GALNTL6: variants seen among roughly 807,000 people sequenced by gnomAD.
GALNTL6 encodes polypeptide N-acetylgalactosaminyltransferase-like 6.
In GALNTL6, 46 loss-of-function variants were observed where a neutral mutation model predicts 73.7. The observed-to-expected ratio is 0.62, with a 90% CI of 0.49 to 0.80. The LOEUF is 0.80. GALNTL6 is among the 30% of genes least tolerant of loss of function. The probability of loss-of-function intolerance (pLI) is 0.00; values close to 1 mark genes in which losing one functional copy is unlikely to be tolerated. For synonymous variants in GALNTL6, 259 were observed against 263.7 expected (o/e 0.98, Z 0.17); for missense variants, 604 against 755.0 (o/e 0.80, Z 2.34).
At chr4:172,399,247 A>G (rs1308634111) in intron 5 of GALNTL6, among the ~76,000 whole-genome samples, 1 of 152,146 alleles carries the variant, frequency 6.6e-6, no homozygotes, top group East Asian at 1.9e-4. Flanking sequence ...ATACATATAT[A>G]ACCACAAATA....
intron 2 of GALNTL6, among the ~76,000 whole-genome samples, chr4:172,006,623 A>G (rs1435659211): frequency 6.6e-6 from 1 of 152,100 alleles, no homozygotes; most frequent in African/African-American, 2.4e-5. Flanking sequence ...ACCCTGTCCA[A>G]AAAAGGAAAA....
chr4:171,993,837 TAC>T (rs1429836861), intron 2 of GALNTL6, among the ~76,000 whole-genome samples: 1 of 151,604 alleles, frequency 6.6e-6, no homozygotes, highest in East Asian at 1.9e-4. Context: ...GTAAAGACAT[TAC>T]ACACACATGT....
intron 2 of GALNTL6, among the ~76,000 whole-genome samples, chr4:171,897,292 CTATCTT>C: frequency 6.6e-6 from 1 of 152,166 alleles, no homozygotes; most frequent in South Asian, 2.1e-4. Context: ...TAAGGAACCT[CTATCTT>C]TATCTTATTC....
chr4:172,780,094 G>C (rs1252020468), intron 5 of GALNTL6, among the ~76,000 whole-genome samples: 2 of 150,564 alleles, frequency 1.3e-5, no homozygotes, highest in Non-Finnish European at 2.9e-5. Flanking sequence ...GTCATGGAAG[G>C]AAGGTTCAGG....
chr4:172,911,847 C>T (rs1197839496), intron 8 of GALNTL6, among the ~76,000 whole-genome samples: 1 of 152,132 alleles, frequency 6.6e-6, no homozygotes, highest in Non-Finnish European at 1.5e-5. Flanking sequence ...TTTCCTAATT[C>T]CCTGTTTAAT....
At chr4:171,966,566 T>C (rs1739387624) in intron 2 of GALNTL6, among the ~76,000 whole-genome samples, 1 of 152,174 alleles carries the variant, frequency 6.6e-6, no homozygotes, top group African/African-American at 2.4e-5. Context: ...ATTTATAGTC[T>C]GCTGAAGTCT....
chr4:172,895,900 T>A (rs991284159), intron 8 of GALNTL6, among the ~76,000 whole-genome samples: 1 of 152,250 alleles, frequency 6.6e-6, no homozygotes, highest in African/African-American at 2.4e-5. Flanking sequence ...GTTCTGCTAT[T>A]GATGCTTTCT....
At chr4:172,412,645 A>G (rs903776152) in intron 5 of GALNTL6, among the ~76,000 whole-genome samples, 2 of 152,206 alleles carry the variant, frequency 1.3e-5, no homozygotes, top group African/African-American at 2.4e-5. Context: ...GATGGGCACA[A>G]TGTAAACAAA....
chr4:171,821,292 CAGCCTCCCGA>C (rs547549244), intron 2 of GALNTL6, among the ~76,000 whole-genome samples: 40 of 152,246 alleles, frequency 2.6e-4, no homozygotes, highest in African/African-American at 8.9e-4. Flanking sequence ...CCCCCCACTT[CAGCCTCCCGA>C]AGTGCCGGGA....
At chr4:171,821,595 G>T in intron 2 of GALNTL6, among the ~76,000 whole-genome samples, 1 of 150,210 alleles carries the variant, frequency 6.7e-6, no homozygotes, top group East Asian at 1.9e-4. Context: ...TTATAATGAG[G>T]ATTAAACGCT....
chr4:173,016,165 G>C (rs1030242182), intron 11 of GALNTL6, among the ~76,000 whole-genome samples: 1 of 152,270 alleles, frequency 6.6e-6, no homozygotes, highest in Non-Finnish European at 1.5e-5. Context: ...TGTCCGGGCA[G>C]AGGTGTGCTA....
chr4:172,854,227 CCTACT>C (rs1373044161), intron 7 of GALNTL6, among the ~76,000 whole-genome samples: 1 of 152,172 alleles, frequency 6.6e-6, no homozygotes, highest in East Asian at 1.9e-4. Context: ...TGGCCCATAT[CCTACT>C]CTAAATTCTG....
rs867691745 is a variant in GALNTL6, at chr4:172,069,553, A to G, written c.139-160103A>G. 5.8e-3 allele frequency among the ~76,000 whole-genome samples: 103 copies of G among 17,624 alleles called. 22 individuals carry two copies. The highest frequency in any genetic ancestry group is 0.02 in the South Asian group (6 of 306). 11.6% of individuals were successfully genotyped at this position (17,624 alleles called of 152,430 possible). On this transcript the variant is annotated intron_variant, in intron 2 of 12. Transcript: ENST00000506823. ...CACATATATTATATATAACACATAT[A>G]TGTTATATATAACACATATATGTTA...
intron 2 of GALNTL6, among the ~76,000 whole-genome samples, chr4:172,166,064 A>G (rs1734614414): frequency 6.6e-6 from 1 of 152,244 alleles, no homozygotes; most frequent in Non-Finnish European, 1.5e-5. Context: ...GACCCAAAAT[A>G]CATTTTCCTT....
At chr4:172,089,215 G>C (rs569754434) in intron 2 of GALNTL6, among the ~76,000 whole-genome samples, 7 of 152,186 alleles carry the variant, frequency 4.6e-5, no homozygotes, top group African/African-American at 1.4e-4. Context: ...TCTTTATTAA[G>C]AGGCATTTCT....
rs150056649 is a variant in GALNTL6, at chr4:172,365,195, A to G, written c.553+16506A>G. 5.4e-3 allele frequency among the ~76,000 whole-genome samples: 825 copies of G among 152,216 alleles called. 6 individuals carry two copies. The highest frequency in any genetic ancestry group is 0.018 in the African/African-American group (768 of 41,542). On this transcript the variant is annotated intron_variant, in intron 5 of 12. Coordinates refer to ENST00000506823, the MANE Select transcript of GALNTL6 (RefSeq NM_001034845.3). Reference sequence around the variant, plus strand: ...GGAGAGAGCATATCACAGTCTTGCAATGTTTCTGAGTGGAGGAGTTTATTG... The same window carrying G: ...GGAGAGAGCATATCACAGTCTTGCAGTGTTTCTGAGTGGAGGAGTTTATTG...
intron 2 of GALNTL6, among the ~76,000 whole-genome samples, chr4:171,856,782 T>C (rs1486732836): frequency 6.6e-6 from 1 of 152,238 alleles, no homozygotes; most frequent in African/African-American, 2.4e-5. Context: ...TTCATTCTAT[T>C]GATTGATTTG....
chr4:171,860,933 CT>C (rs1735814816), intron 2 of GALNTL6, among the ~76,000 whole-genome samples: 1 of 152,178 alleles, frequency 6.6e-6, no homozygotes, highest in African/African-American at 2.4e-5. Flanking sequence ...AGAACAACCT[CT>C]GATACCTCCT....
chr4:172,158,259 T>C (rs1734345322), intron 2 of GALNTL6, among the ~76,000 whole-genome samples: 1 of 152,270 alleles, frequency 6.6e-6, no homozygotes, highest in Non-Finnish European at 1.5e-5. Flanking sequence ...TCCCCTCAAT[T>C]TATGTGTCAT....
Sources: gnomAD v4.1 joint callset for allele counts (sites outside exome capture counted in the v4.1 genomes callset) on GRCh38, gnomAD v4.1.1 for gene constraint, MANE v1.5 for transcripts, NCBI Gene and HGNC (gene_info 2026-07-23, HGNC 2026-07-21) for gene names.